Variants in CKM observed in about 807,000 individuals in gnomAD.
CKM encodes the protein creatine kinase, M-type.
In CKM, 28 loss-of-function variants were observed where a neutral mutation model predicts 35.4. The ratio of observed to expected loss-of-function variants is 0.79; its 90% confidence interval spans 0.59 to 1.08. The LOEUF (loss-of-function observed/expected upper bound fraction) is 1.08, where lower values mean the gene tolerates loss of function less well. Ranked by LOEUF, CKM falls within the 50% of genes least tolerant of loss-of-function variation. The pLI is 0.00. For synonymous variants in CKM, 215 were observed against 204.4 expected (o/e 1.05, Z -0.44); for missense variants, 484 against 509.8 (o/e 0.95, Z 0.49).
At chr19:45,316,814 ATAGC>A (rs1457193267) in intron 3 of CKM, among the ~76,000 whole-genome samples, 2 of 151,400 alleles carry the variant, frequency 1.3e-5, no homozygotes, top group African/African-American at 4.9e-5. Flanking sequence ...CCCAGGCTGA[ATAGC>A]TAGGATTATA....
intron 4 of CKM, 90 bp from the exon 5 acceptor site, chr19:45,312,010 C>G: frequency 6.8e-7 from 1 of 1,471,340 alleles, no homozygotes; most frequent in Non-Finnish European, 9.4e-7. Flanking sequence ...CTGCTCCTAA[C>G]GGGCCTGGGC....
chr19:45,306,697 C>T lies in CKM; in HGVS notation c.*53G>A. 1.3e-6 allele frequency: 2 copies of T among 1,598,328 alleles called. No individual in the cohort carries two copies. The highest frequency in any genetic ancestry group is 1.7e-6 in the Non-Finnish European group (2 of 1,167,882). ...AGTGAGGGAGCAGGACTCTGGTGGG[C>T]CAGGCCCTCCCACTGGCTGGGTTCC... On this transcript the variant is annotated 3_prime_UTR_variant, in exon 8 of 8. Transcript: ENST00000221476. This position sits in a 1 kb window ranked among gnomAD's most constrained non-coding sequence, Gnocchi z 4.5.
In CKM at chr19:45,312,310, C is replaced by T. The variant is rs145421086; in HGVS notation, c.482-390G>A. ...AAATTATTATAAAGTAGAATGGTAG[C>T]CAGGTGCACTGGCACGAGCCTGTAG... On this transcript the variant is annotated intron_variant, in intron 4 of 7. Transcript: ENST00000221476. 6.8e-4 allele frequency among the ~76,000 whole-genome samples: 104 copies of T among 152,284 alleles called. 1 individual carries two copies. The highest frequency in any genetic ancestry group is 1.3e-3 in the Non-Finnish European group (87 of 68,022).
At position 45,311,899 on chromosome 19, in the gene CKM, T is replaced by A. The variant is rs1254505880; in HGVS notation, c.503A>T (p.Glu168Val). ...CAGAGGGTAGTACTTCCCTTTGAAC[T>A]CGCCCGTCAGGCTGTTGAGAGCTAT... ...SVEALNSLTG[E>V]FKGKYYPLKS... The change falls in exon 5 of 8, where the codon GAG becomes GTG. Residue 168 changes from glutamate to valine, a missense_variant. Coordinates refer to ENST00000221476, the MANE Select transcript of CKM (RefSeq NM_001824.5). The A allele has an allele frequency of 1.9e-6, 3 of 1,614,018 alleles. No individual in the cohort carries two copies. The South Asian group carries it at 3.3e-5, about 18-fold the overall frequency.
chr19:45,315,702 C>A, intron 3 of CKM, 105 bp from the exon 4 acceptor site: 1 of 1,436,480 alleles, frequency 7.0e-7, no homozygotes. Context: ...GCTTCCTTTG[C>A]CTTCTGCATC....
Position 45,308,401 on chromosome 19 carries a change from ACACC to A in CKM, c.777+4_777+7del, listed in dbSNP as rs768412072. 1 of 1,614,106 alleles carries A rather than the reference ACACC, an allele frequency of 6.2e-7. No homozygotes were observed. Among genetic ancestry groups the A allele is most frequent in the Non-Finnish European group, 8.5e-7 (1 of 1,179,974 alleles). On this transcript the variant is annotated splice_donor_5th_base_variant and intron_variant, in intron 6 of 7. Transcript: ENST00000221476. ...GTCAGAAGTCAGCAGCTAAGGGCAG[ACACC>A]CACCTTCTGCAGCCCTACGCAGAAG...
chr19:45,315,480 T>C lies in CKM; in HGVS notation c.466A>G (p.Lys156Glu). ...GGGCGCTCACCTTCCACAGAGAGCT[T>C]CTCCACCGCCCGGCGCTCGCCACGG... Reference protein sequence around the residue: ...CSRGERRAVEKLSVEALNSLT... With the variant: ...CSRGERRAVEELSVEALNSLT... Residue 156 changes from lysine (K) to glutamate (E), a missense_variant, in exon 4 of 8, where the codon AAG becomes GAG. Coordinates refer to ENST00000221476, the MANE Select transcript of CKM (RefSeq NM_001824.5). The C allele has an allele frequency of 6.3e-7, 1 of 1,599,102 alleles. No individual in the cohort carries two copies. The highest frequency in any genetic ancestry group is 1.1e-5 in the South Asian group (1 of 90,964).
At chr19:45,315,824 T>C (rs1449837093) in intron 3 of CKM, among the ~76,000 whole-genome samples, 1 of 150,840 alleles carries the variant, frequency 6.6e-6, no homozygotes, top group East Asian at 1.9e-4. Context: ...TACCTCTCTC[T>C]CCCCATCTTC....
At chr19:45,314,126 G>T (rs1971134738) in intron 4 of CKM, among the ~76,000 whole-genome samples, 3 of 147,072 alleles carry the variant, frequency 2.0e-5, no homozygotes, top group African/African-American at 7.7e-5. Flanking sequence ...GGAAGGGAAG[G>T]AAGGGAGGGA....
intron 4 of CKM, among the ~76,000 whole-genome samples, chr19:45,314,385 G>A (rs1599817750): frequency 6.6e-6 from 1 of 151,742 alleles, no homozygotes; most frequent in African/African-American, 2.4e-5. Context: ...TAATGCTATT[G>A]TGCACTTAAC....
At chr19:45,308,217 C>A (rs572069819) in intron 6 of CKM, among the ~76,000 whole-genome samples, 192 bp downstream of exon 6, 1 of 29,218 alleles carries the variant, frequency 3.4e-5, no homozygotes, top group East Asian at 7.5e-4. Flanking sequence ...GGTCCAGGGG[C>A]GGGGCCCTGA....
intron 3 of CKM, among the ~76,000 whole-genome samples, chr19:45,317,274 ATTTAT>A (rs1233197355): frequency 6.6e-6 from 1 of 150,778 alleles, no homozygotes; most frequent in Non-Finnish European, 1.5e-5. Flanking sequence ...TGCCCAGCTA[ATTTAT>A]TTTATTTATT....
chr19:45,308,608 A>G, intron 5 of CKM, 76 bp from the exon 6 acceptor site: 1 of 1,573,684 alleles, frequency 6.4e-7, no homozygotes, highest in African/African-American at 1.4e-5. Flanking sequence ...CCCCCAAAAC[A>G]TCTGCCCACC....
chr19:45,316,272 G>A (rs1315530884), intron 3 of CKM, among the ~76,000 whole-genome samples: 14 of 150,520 alleles, frequency 9.3e-5, no homozygotes, highest in Non-Finnish European at 1.5e-4. Context: ...AGGGGTTTCC[G>A]TGAGCTGAGA....
Position 45,307,445 on chromosome 19 carries a change from G to T in CKM, c.967+16C>A, listed in dbSNP as rs1971063494. 3 of 1,612,682 alleles carry T rather than the reference G, an allele frequency of 1.9e-6. No homozygotes were observed. In the African/African-American group the frequency reaches 4.0e-5, roughly 22 times the overall value. On this transcript the variant is annotated intron_variant, in intron 7 of 7. Coordinates refer to ENST00000221476, the MANE Select transcript of CKM (RefSeq NM_001824.5). ...GCTCCCCCTCCGTCGTGGTGCAAAG[G>T]ATGTGGGAGCCGTACCTGTACCCCT... is the stretch of plus-strand genomic sequence containing the variant.
chr19:45,316,481 T>G (rs1971159413), intron 3 of CKM, among the ~76,000 whole-genome samples: 1 of 151,728 alleles, frequency 6.6e-6, no homozygotes, highest in Non-Finnish European at 1.5e-5. Context: ...TAGGCTTTTT[T>G]TTTTCTTTTT....
chr19:45,322,621 G>T (rs982068262), intron 1 of CKM, among the ~76,000 whole-genome samples, 200 bp downstream of exon 1: 5 of 152,180 alleles, frequency 3.3e-5, no homozygotes, highest in Admixed American at 6.5e-5. Flanking sequence ...AGGTCCCAGT[G>T]GGGGGTTCAG....
At chr19:45,315,118 T>C (rs1304045342) in intron 4 of CKM, among the ~76,000 whole-genome samples, 1 of 152,044 alleles carries the variant, frequency 6.6e-6, no homozygotes, top group East Asian at 1.9e-4. Context: ...TTTCCTCTTG[T>C]CTCCCCACCA....
chr19:45,308,326 A>G, intron 6 of CKM, 83 bp downstream of exon 6: 1 of 1,548,912 alleles, frequency 6.5e-7, no homozygotes. Context: ...AGGGCTTAGT[A>G]TAGGGGAAGG....
Sources: allele counts gnomAD v4.1 joint callset (sites outside exome capture counted in the v4.1 genomes callset), GRCh38; gene constraint gnomAD v4.1.1; non-coding constraint Gnocchi (gnomAD v3.1); transcripts MANE v1.5; gene names NCBI Gene and HGNC (gene_info 2026-07-23, HGNC 2026-07-21).